SLC9A9: variants seen among roughly 807,000 people sequenced by gnomAD.
SLC9A9 encodes the protein sodium/hydrogen exchanger 9.
A neutral mutation model predicts 77.8 loss-of-function variants in SLC9A9; 62 were observed. The observed-to-expected ratio is 0.80, with a 90% CI of 0.65 to 0.98. The LOEUF (loss-of-function observed/expected upper bound fraction) is 0.98, where lower values mean the gene tolerates loss of function less well. Ranked by LOEUF, SLC9A9 falls within the 50% of genes least tolerant of loss-of-function variation. The pLI, the probability that SLC9A9 is intolerant of heterozygous loss-of-function variation, is 0.00. For synonymous variants in SLC9A9, 320 were observed against 283.5 expected, an observed-to-expected ratio of 1.13 and a Z score of -1.29; for missense variants, 775 against 774.9, an observed-to-expected ratio of 1.00 and a Z score of 0.00.
intron 6 of SLC9A9, among the ~76,000 whole-genome samples, chr3:143,604,615 T>C (rs1046719188): frequency 2.6e-5 from 4 of 151,934 alleles, no homozygotes; most frequent in African/African-American, 9.7e-5. Context: ...TGGGGTGGAG[T>C]GAAGGTGGAA....
chr3:143,477,328 CAA>C (rs2035493159), intron 11 of SLC9A9, among the ~76,000 whole-genome samples: 1 of 102,078 alleles, frequency 9.8e-6, no homozygotes, highest in Admixed American at 1.0e-4. Context: ...AGGGCTTCTT[CAA>C]TTTTTTTTTT....
chr3:143,743,682 AT>A (rs1391116631), intron 4 of SLC9A9, among the ~76,000 whole-genome samples: 5 of 152,034 alleles, frequency 3.3e-5, no homozygotes, highest in African/African-American at 9.7e-5. Context: ...TCACATGCAA[AT>A]CTCCTCTGGA....
At chr3:143,392,279 A>AG (rs2033590446) in intron 12 of SLC9A9, among the ~76,000 whole-genome samples, 1 of 152,206 alleles carries the variant, frequency 6.6e-6, no homozygotes, top group Non-Finnish European at 1.5e-5. Flanking sequence ...AAGCCAGAAG[A>AG]CAGTGGGGCC....
At chr3:143,437,394 C>A (rs1215368478) in intron 12 of SLC9A9, among the ~76,000 whole-genome samples, 1 of 152,238 alleles carries the variant, frequency 6.6e-6, no homozygotes, top group Non-Finnish European at 1.5e-5. Context: ...AGGCTCAGAT[C>A]CCACAACGGT....
intron 12 of SLC9A9, among the ~76,000 whole-genome samples, chr3:143,437,386 G>A (rs550835288): frequency 6.6e-6 from 1 of 152,328 alleles, no homozygotes; most frequent in South Asian, 2.1e-4. Flanking sequence ...GGCCAGACAG[G>A]CTCAGATCCC....
chr3:143,326,718 T>C (rs2031616076), intron 14 of SLC9A9, among the ~76,000 whole-genome samples: 1 of 152,234 alleles, frequency 6.6e-6, no homozygotes, highest in African/African-American at 2.4e-5. Flanking sequence ...ACTGTGTAAT[T>C]ATTCTACTTG....
intron 12 of SLC9A9, among the ~76,000 whole-genome samples, chr3:143,440,467 G>A (rs1290590081): frequency 1.3e-5 from 2 of 152,204 alleles, no homozygotes; most frequent in African/African-American, 4.8e-5. Context: ...AGGGGGACAA[G>A]TCATATACAT....
At chr3:143,636,762 C>G (rs1490314960) in intron 6 of SLC9A9, among the ~76,000 whole-genome samples, 1 of 152,188 alleles carries the variant, frequency 6.6e-6, no homozygotes. Context: ...CCTGAGACTT[C>G]TACTTCCCCA....
intron 6 of SLC9A9, among the ~76,000 whole-genome samples, chr3:143,640,083 G>A (rs916850478): frequency 9.0e-5 from 13 of 143,898 alleles, no homozygotes; most frequent in Non-Finnish European, 1.9e-4. Context: ...GTGCAGTGGC[G>A]CAATCTTGGC....
At chr3:143,291,996 C>T (rs1415141569) in intron 14 of SLC9A9, among the ~76,000 whole-genome samples, 1 of 152,202 alleles carries the variant, frequency 6.6e-6, no homozygotes, top group Non-Finnish European at 1.5e-5. Context: ...AGGAATCCCC[C>T]ATATAGCCCT....
chr3:143,266,115 A>G lies in SLC9A9; in HGVS notation c.*587T>C, dbSNP rs1014982340. ...CATAAGAAGGATGCCAAGAAGAACAATAGGTTCTTCAACTCAGTGTGGGCT... is the reference window on the plus strand; with the variant it reads ...CATAAGAAGGATGCCAAGAAGAACAGTAGGTTCTTCAACTCAGTGTGGGCT... On this transcript the variant is annotated 3_prime_UTR_variant, in exon 16 of 16. Transcript: ENST00000316549. 5.7e-6 allele frequency: 4 copies of G among 702,160 alleles called. No homozygotes were observed. Among genetic ancestry groups the G allele is most frequent in the South Asian group, 1.5e-5 (1 of 67,574 alleles). The allele number at this position is 702,160 out of a possible 1,614,324, so 43.5% of individuals were successfully genotyped here.
At chr3:143,686,972 C>T (rs529428092) in intron 5 of SLC9A9, among the ~76,000 whole-genome samples, 1 of 152,112 alleles carries the variant, frequency 6.6e-6, no homozygotes, top group African/African-American at 2.4e-5. Context: ...TTCTTTCTTT[C>T]CCTGTCCTGC....
At position 143,266,069 on chromosome 3, in the gene SLC9A9, T is replaced by A; in HGVS notation, c.*633A>T. The A allele has an allele frequency of 1.4e-6, 1 of 702,402 alleles. No homozygotes were observed. The highest frequency in any genetic ancestry group is 2.6e-6 in the Non-Finnish European group (1 of 384,790). The allele number at this position is 702,402 out of a possible 1,614,324, so 43.5% of individuals were successfully genotyped here. Reference sequence around the variant, plus strand: ...GGCACACCCAGCCATAGGCAACCCCTTTGAGCGATGGGAGAAGTAGCATAA... The same window carrying A: ...GGCACACCCAGCCATAGGCAACCCCATTGAGCGATGGGAGAAGTAGCATAA... On this transcript the variant is annotated 3_prime_UTR_variant, in exon 16 of 16. Transcript: ENST00000316549.
At chr3:143,736,377 G>A (rs73154705) in intron 4 of SLC9A9, among the ~76,000 whole-genome samples, 8,225 of 152,200 alleles carry the variant, frequency 0.054, 281 homozygotes, top group Middle Eastern at 0.075. Flanking sequence ...TCAAGTGTTC[G>A]ATTATTCATT....
intron 12 of SLC9A9, among the ~76,000 whole-genome samples, chr3:143,383,239 C>T (rs1351955771): frequency 1.3e-5 from 2 of 152,222 alleles, no homozygotes; most frequent in Non-Finnish European, 2.9e-5. Flanking sequence ...ACTTCTGATG[C>T]CAGGCACCAT....
intron 6 of SLC9A9, among the ~76,000 whole-genome samples, chr3:143,600,137 A>C (rs1175867270): frequency 6.6e-6 from 1 of 152,074 alleles, no homozygotes; most frequent in Non-Finnish European, 1.5e-5. Flanking sequence ...CCATCAACCC[A>C]TCATCTACAT....
chr3:143,422,396 C>G (rs2034316135), intron 12 of SLC9A9, among the ~76,000 whole-genome samples: 1 of 152,184 alleles, frequency 6.6e-6, no homozygotes, highest in South Asian at 2.1e-4. Context: ...GGTACATATA[C>G]ACTATAGAAT....
chr3:143,341,338 A>G (rs557839311), intron 14 of SLC9A9, among the ~76,000 whole-genome samples: 2 of 152,154 alleles, frequency 1.3e-5, no homozygotes, highest in Non-Finnish European at 2.9e-5. Context: ...TCAATTTGGG[A>G]ACTCCAGAGT....
At chr3:143,770,527 T>A (rs950813024) in intron 4 of SLC9A9, among the ~76,000 whole-genome samples, 2 of 152,128 alleles carry the variant, frequency 1.3e-5, no homozygotes, top group African/African-American at 4.8e-5. Flanking sequence ...AGGGTAAGGT[T>A]AGAGCCTTAC....
Sources: allele counts gnomAD v4.1 joint callset (sites outside exome capture counted in the v4.1 genomes callset), GRCh38; gene constraint gnomAD v4.1.1; transcripts MANE v1.5; gene names NCBI Gene and HGNC (gene_info 2026-07-23, HGNC 2026-07-21).